The following TYK2 variants were observed in gnomAD, a reference collection of about 807,000 sequenced individuals.
TYK2 encodes non-receptor tyrosine-protein kinase TYK2.
TYK2 carries 65 observed loss-of-function variants against 130.9 expected under a neutral mutation model. That is an observed-to-expected ratio of 0.50 (90% CI 0.41 to 0.61). The LOEUF is 0.61. Among genes scored for constraint, TYK2 ranks in the 20% least tolerant of loss-of-function variants. TYK2 has a pLI of 0.00. For missense variants in TYK2, 1,378 were observed against 1,610.7 expected (o/e 0.86, Z 2.47); for synonymous variants, 647 against 658.9 (o/e 0.98, Z 0.28).
At chr19:10,363,066 G>T (rs2145227304) in intron 9 of TYK2, among the ~76,000 whole-genome samples, 1 of 152,052 alleles carries the variant, frequency 6.6e-6, no homozygotes, top group East Asian at 1.9e-4. Flanking sequence ...AGTACAGAGG[G>T]GGTTTCACCA....
rs151056735 is a variant in TYK2 at position 10,364,101 on chromosome 19, G to A, written c.1367+513C>T. On this transcript the variant is annotated intron_variant, in intron 9 of 24. Transcript: ENST00000525621. The surrounding 1 kb of genome is among the most constrained non-coding windows in gnomAD (Gnocchi z 4.9). The stretch of plus-strand genomic sequence containing the variant: ...TGGTGACTCACAAGTTACCAGCACA[G>A]GCAGCCGCCTGCAGAGGTGGAAGCA... 1.3e-5 allele frequency among the ~76,000 whole-genome samples: 2 copies of A among 152,334 alleles called. No individual in the cohort carries two copies. The highest frequency in any genetic ancestry group is 1.9e-4 in the East Asian group (1 of 5,190).
At chr19:10,359,474 C>T (rs2041282364) in intron 14 of TYK2, among the ~76,000 whole-genome samples, 172 bp from the exon 15 acceptor site, 1 of 152,050 alleles carries the variant, frequency 6.6e-6, no homozygotes. Flanking sequence ...AGAAGAAATG[C>T]GGAATGCAGC....
At chr19:10,354,658 C>T (rs762281910) in intron 18 of TYK2, 49 bp from the exon 19 acceptor site, 2 of 1,498,648 alleles carry the variant, frequency 1.3e-6, no homozygotes, top group Non-Finnish European at 1.9e-6. Context: ...CTTTCCCCAG[C>T]AGGCCCACAC....
At chr19:10,378,454 C>G in intron 2 of TYK2, 28 bp from the exon 3 acceptor site, 1 of 1,578,404 alleles carries the variant, frequency 6.3e-7, no homozygotes. Flanking sequence ...TGTCAGCTCC[C>G]AAGTCTCAGC....
intron 18 of TYK2, among the ~76,000 whole-genome samples, chr19:10,355,693 G>C (rs1378221735): frequency 6.6e-6 from 1 of 151,252 alleles, no homozygotes; most frequent in East Asian, 1.9e-4. Flanking sequence ...GTCAGGCGCA[G>C]TGGCTCATGC....
rs372740500 is a variant in TYK2 at position 10,353,849 on chromosome 19, C to T, written c.2908+193G>A. 9.7e-6 allele frequency: 7 copies of T among 724,404 alleles called. No individual in the cohort carries two copies. In the African/African-American group the frequency reaches 1.2e-4, roughly 13 times the overall value. The allele number at this position is 724,404 out of a possible 1,614,324, so 44.9% of individuals were successfully genotyped here. The stretch of plus-strand genomic sequence containing the variant: ...TGCTGGTGGCTCCCGTCCATCCTGG[C>T]CCCAGCAGGTAGCACCCCCCAGATG... On this transcript the variant is annotated intron_variant, in intron 20 of 24. Coordinates refer to ENST00000525621, the MANE Select transcript of TYK2 (RefSeq NM_003331.5). The surrounding 1 kb of genome is among the most constrained non-coding windows in gnomAD (Gnocchi z 6.9).
chr19:10,364,176 A>G lies in TYK2; in HGVS notation c.1367+438T>C, dbSNP rs1260302374. Among the ~76,000 whole-genome samples, 1 of 152,208 alleles carries G rather than the reference A, an allele frequency of 6.6e-6. No homozygotes were observed. Among genetic ancestry groups the G allele is most frequent in the African/African-American group, 2.4e-5 (1 of 41,450 alleles). The stretch of plus-strand genomic sequence containing the variant: ...CAGCGTCAGGGTAACACACAGTCCC[A>G]TGAAAATCACCAGTTCTGTGCAATG... On this transcript the variant is annotated intron_variant, in intron 9 of 24. Transcript: ENST00000525621. The surrounding 1 kb of genome is among the most constrained non-coding windows in gnomAD (Gnocchi z 4.9).
chr19:10,370,373 C>T (rs1004379286), intron 3 of TYK2, among the ~76,000 whole-genome samples: 1 of 149,372 alleles, frequency 6.7e-6, no homozygotes, highest in African/African-American at 2.5e-5. Context: ...AATTGGCTGG[C>T]CATGGTGGGG....
At position 10,361,881 on chromosome 19, in the gene TYK2, A is replaced by G. The variant is rs12720276; in HGVS notation, c.1848T>C (p.Pro616=). Residue 616 remains proline (P), a synonymous_variant, in exon 13 of 25, where the codon CCT becomes CCC. Coordinates refer to ENST00000525621, the MANE Select transcript of TYK2 (RefSeq NM_003331.5). The surrounding 1 kb of genome is among the most constrained non-coding windows in gnomAD (Gnocchi z 4.0). ...GRLRVEGSGD[P]EEGKMDDEDP... ...CCTCGTCATCCATCTTGCCCTCCTC[A>G]GGGTCCCCGCTGCCCTCCACTCGCA... is the stretch of plus-strand genomic sequence containing the variant. 3.3e-5 allele frequency: 53 copies of G among 1,613,800 alleles called. 1 individual carries two copies. In the South Asian group the frequency reaches 4.8e-4, roughly 15 times the overall value.
chr19:10,377,538 GGA>G (rs1568346421), intron 3 of TYK2, among the ~76,000 whole-genome samples: 13 of 127,368 alleles, frequency 1.0e-4, no homozygotes, highest in Non-Finnish European at 1.4e-4. Flanking sequence ...ATGGATGGAT[GGA>G]TGGATGGGTG....
chr19:10,354,359 G>A (rs2040974483), intron 19 of TYK2, 125 bp from the exon 20 acceptor site: 4 of 1,358,928 alleles, frequency 2.9e-6, no homozygotes, highest in East Asian at 2.4e-5. Flanking sequence ...CGCCTACTCC[G>A]CTCTATTAAG....
intron 5 of TYK2, among the ~76,000 whole-genome samples, chr19:10,367,243 G>A (rs1244430753): frequency 1.3e-5 from 2 of 152,082 alleles, no homozygotes; most frequent in African/African-American, 4.8e-5. Context: ...TTACTGGAAA[G>A]GCCAAATACA....
intron 10 of TYK2, 26 bp from the exon 11 acceptor site, chr19:10,362,482 G>T: frequency 3.8e-6 from 6 of 1,575,788 alleles, no homozygotes; most frequent in Non-Finnish European, 5.2e-6. Context: ...AGAGGTGGGA[G>T]CAGTAAGCAG....
At chr19:10,362,498 C>G (rs759376878) in intron 10 of TYK2, 42 bp from the exon 11 acceptor site, 1 of 1,565,244 alleles carries the variant, frequency 6.4e-7, no homozygotes, top group Non-Finnish European at 8.7e-7. Context: ...AGCAGGGGAC[C>G]AGGCAGGGAA....
chr19:10,363,187 C>CTTTTT (rs942594471), intron 9 of TYK2, among the ~76,000 whole-genome samples: 2 of 127,690 alleles, frequency 1.6e-5, no homozygotes, highest in African/African-American at 2.9e-5. Flanking sequence ...CCTGATCTCT[C>CTTTTT]TTTTTTTTTT....
At position 10,361,739 on chromosome 19, in the gene TYK2, C is replaced by T. The variant is rs576898907; in HGVS notation, c.1959+31G>A. 1 of 1,609,492 alleles carries T rather than the reference C, an allele frequency of 6.2e-7. No homozygotes were observed. The highest frequency in any genetic ancestry group is 8.5e-7 in the Non-Finnish European group (1 of 1,178,842). ...CTCCTCCGGCCACCTCCTCCACAGACACACCCCCAGGCCTGGCCCTGCCCA... is the reference window on the plus strand; with the variant it reads ...CTCCTCCGGCCACCTCCTCCACAGATACACCCCCAGGCCTGGCCCTGCCCA... On this transcript the variant is annotated intron_variant, in intron 13 of 24. Transcript: ENST00000525621. This position sits in a 1 kb window ranked among gnomAD's most constrained non-coding sequence, Gnocchi z 4.0.
In TYK2 at chr19:10,368,184, C is replaced by A; in HGVS notation, c.336G>T (p.Trp112Cys). 1 of 1,614,096 alleles carries A rather than the reference C, an allele frequency of 6.2e-7. No homozygotes were observed. The highest frequency in any genetic ancestry group is 8.5e-7 in the Non-Finnish European group (1 of 1,180,018). Residue 112 changes from tryptophan to cysteine, a missense_variant, in exon 5 of 25, where the codon TGG becomes TGT. Physicochemically the swap from Trp to Cys is radical, Grantham distance 215 (BLOSUM62 -2). Coordinates refer to ENST00000525621, the MANE Select transcript of TYK2 (RefSeq NM_003331.5). ...CCGGTTCCCGAGGATTCATGCCATG[C>A]CAGTTCCGGAAATAAAACCTGCAGG... is the stretch of plus-strand genomic sequence containing the variant. ...YFRIRFYFRN[W>C]HGMNPREPAV...
chr19:10,361,139 A>G lies in TYK2; in HGVS notation c.2047+372T>C, dbSNP rs2041381111. 2 of 490,062 alleles carry G rather than the reference A, an allele frequency of 4.1e-6. No individual in the cohort carries two copies. Among genetic ancestry groups the G allele is most frequent in the Non-Finnish European group, 7.8e-6 (2 of 257,746 alleles). The allele number at this position is 490,062 out of a possible 1,614,324, so 30.4% of individuals were successfully genotyped here. A position where few individuals can be genotyped will look rare whatever the true frequency, so the allele number is the denominator to read the frequency against. On this transcript the variant is annotated intron_variant, in intron 14 of 24. Coordinates refer to ENST00000525621, the MANE Select transcript of TYK2 (RefSeq NM_003331.5). This position sits in a 1 kb window ranked among gnomAD's most constrained non-coding sequence, Gnocchi z 4.0. ...TGTGCAGGGGCTGAGGCCTAGGAGA[A>G]TCAGCACACATCAGCACTGGAGTCT... is the stretch of plus-strand genomic sequence containing the variant.
intron 11 of TYK2, 35 bp from the exon 12 acceptor site, chr19:10,362,216 T>C (rs1288568067): frequency 1.9e-6 from 3 of 1,613,672 alleles, no homozygotes; most frequent in Non-Finnish European, 2.5e-6. Flanking sequence ...AGGGCGGGCC[T>C]GGGGGAGAGA....
Sources: gnomAD v4.1 joint callset for allele counts (sites outside exome capture counted in the v4.1 genomes callset) on GRCh38, gnomAD v4.1.1 for gene constraint, Gnocchi (gnomAD v3.1) non-coding constraint, MANE v1.5 for transcripts, NCBI Gene and HGNC (gene_info 2026-07-23, HGNC 2026-07-21) for gene names.